DST: variants seen among roughly 807,000 people sequenced by gnomAD.
The protein encoded by DST is dystonin, also known as bullous pemphigoid antigen.
In DST, 253 loss-of-function variants were observed where a neutral mutation model predicts 875.2. The observed-to-expected ratio is 0.29, with a 90% confidence interval of 0.26 to 0.32. The LOEUF (loss-of-function observed/expected upper bound fraction) is 0.32, where lower values mean the gene tolerates loss of function less well. DST is among the 10% of genes least tolerant of loss of function. The pLI, the probability that DST is intolerant of heterozygous loss-of-function variation, is 1.00. For missense variants in DST, 8,287 were observed against 9,111.6 expected (o/e 0.91, Z 3.68); for synonymous variants, 3,124 against 3,197.1 (o/e 0.98, Z 0.77).
chr6:56,639,036 C>T, intron 22 of DST: 1 of 588,224 alleles, frequency 1.7e-6, no homozygotes, highest in Non-Finnish European at 3.0e-6. Flanking sequence ...TACATCTTCT[C>T]AGCCACAGAG....
intron 49 of DST, among the ~76,000 whole-genome samples, chr6:56,587,568 A>T (rs1038349575): frequency 2.0e-5 from 3 of 152,166 alleles, no homozygotes; most frequent in Non-Finnish European, 4.4e-5. Flanking sequence ...GAATGCCACA[A>T]AGATACTCCT....
At chr6:56,571,344 C>T (rs561473212) in intron 53 of DST, among the ~76,000 whole-genome samples, 10 of 152,260 alleles carry the variant, frequency 6.6e-5, no homozygotes, top group South Asian at 4.1e-4. Flanking sequence ...ATTTCTTCTA[C>T]GCAATGTGAA....
chr6:56,781,157 G>A (rs567613861), intron 4 of DST, among the ~76,000 whole-genome samples: 48 of 152,308 alleles, frequency 3.2e-4, no homozygotes, highest in South Asian at 4.1e-4. Context: ...GTCAGGTAGC[G>A]TGATGCCTCC....
Position 56,615,977 on chromosome 6 carries a change from T to C in DST, c.4930-1493A>G, listed in dbSNP as rs749052716. The C allele has an allele frequency of 3.1e-6, 5 of 1,614,108 alleles. No individual in the cohort carries two copies. Among genetic ancestry groups the C allele is most frequent in the Non-Finnish European group, 4.2e-6 (5 of 1,180,044 alleles). On this transcript the variant is annotated intron_variant, in intron 36 of 103. Transcript: ENST00000680361. ...ATGCAAAGCTTCGGCCACCCGGTAC[T>C]TTTTGCCAGTAAGAGGATCAATTAT...
At chr6:56,601,783 G>A in intron 43 of DST, 107 bp from the exon 44 acceptor site, 2 of 700,890 alleles carry the variant, frequency 2.9e-6, no homozygotes, top group South Asian at 2.6e-5. Flanking sequence ...ATCAGGGAAT[G>A]GAAGTTTTAT....
At position 56,622,450 on chromosome 6, in the gene DST, C is replaced by T. The variant is rs547208674; in HGVS notation, c.4929+2080G>A. Among the ~76,000 whole-genome samples the T allele has an allele frequency of 9.2e-5, 14 of 151,756 alleles. No homozygotes were observed. In the East Asian group the frequency reaches 2.3e-3, roughly 25 times the overall value. ...CCGGCGTGGTGGCAGGCGGCAGGCG[C>T]CTGTAATCCCAGCTACTCGGAAGGC... On this transcript the variant is annotated intron_variant, in intron 36 of 103. Transcript: ENST00000680361.
At chr6:56,933,822 C>A (rs2894838) in intron 2 of DST, among the ~76,000 whole-genome samples, 1 of 151,894 alleles carries the variant, frequency 6.6e-6, no homozygotes, top group Non-Finnish European at 1.5e-5. Flanking sequence ...AGCCATTAAG[C>A]AAAGAAAAGC....
intron 4 of DST, among the ~76,000 whole-genome samples, chr6:56,800,388 GTAA>G (rs1281574833): frequency 2.0e-5 from 3 of 152,128 alleles, no homozygotes; most frequent in Non-Finnish European, 2.9e-5. Context: ...ACTGTACATA[GTAA>G]TAATTGCCCA....
At chr6:56,709,304 T>C (rs1247102234) in intron 5 of DST, among the ~76,000 whole-genome samples, 1 of 152,202 alleles carries the variant, frequency 6.6e-6, no homozygotes, top group East Asian at 1.9e-4. Flanking sequence ...GGCGATGACA[T>C]GGACAATATT....
intron 4 of DST, among the ~76,000 whole-genome samples, chr6:56,816,064 T>C (rs1324174232): frequency 1.3e-5 from 2 of 152,136 alleles, no homozygotes; most frequent in Non-Finnish European, 1.5e-5. Flanking sequence ...GTTCTAGCCA[T>C]AAATGTCCGT....
chr6:56,552,036 G>GT, intron 61 of DST, 148 bp downstream of exon 61: 1 of 876,458 alleles, frequency 1.1e-6, no homozygotes, highest in South Asian at 2.0e-5. Flanking sequence ...ACCTGCCTGG[G>GT]TGTTACCCCC....
At chr6:56,781,321 C>G (rs1244889976) in intron 4 of DST, among the ~76,000 whole-genome samples, 2 of 152,176 alleles carry the variant, frequency 1.3e-5, no homozygotes, top group African/African-American at 4.8e-5. Flanking sequence ...GCAGTATGGC[C>G]ATTTTCAAGA....
In DST at chr6:56,606,234, T is replaced by G. The variant is rs373050885; in HGVS notation, c.8394A>C (p.Ile2798=). ...MQSEESYGDY[I]YDSNDQDDDD... is the part of the protein sequence containing the mutation. ...CGTCATCCTGATCATTACTGTCATA[T>G]ATATAATCCCCATAACTTTCTTCAC... The change falls in exon 40 of 104, where the codon ATA becomes ATC. Residue 2798 remains isoleucine (I), a synonymous_variant. Transcript: ENST00000680361. 6.4e-7 allele frequency: 1 copy of G among 1,566,626 alleles called. No individual in the cohort carries two copies. The highest frequency in any genetic ancestry group is 1.4e-5 in the African/African-American group (1 of 73,772).
chr6:56,904,795 A>T (rs1795632769), intron 2 of DST, among the ~76,000 whole-genome samples: 1 of 151,946 alleles, frequency 6.6e-6, no homozygotes, highest in South Asian at 2.1e-4. Context: ...AATAAGAGTT[A>T]CTCTTTTTCT....
rs2098480886 is a variant in DST at position 56,604,922 on chromosome 6, A to G, written c.9706T>C (p.Ser3236Pro). 4 of 1,612,638 alleles carry G rather than the reference A, an allele frequency of 2.5e-6. No homozygotes were observed. Among genetic ancestry groups the G allele is most frequent in the Non-Finnish European group, 3.4e-6 (4 of 1,179,238 alleles). ...KEKSTSTQKD[S>P]PLNDMIQSND... ...CTTTGGATCATGTCATTAAGAGGTG[A>G]GTCTTTTTGGGTACTAGTGGACTTC... is the stretch of plus-strand genomic sequence containing the variant. The change falls in exon 40 of 104, where the codon TCA (serine) becomes CCA (proline). Residue 3236 changes from serine (S) to proline (P), a missense_variant. This residue lies in a region of DST where 3,138 missense variants were observed against 3,116.6 expected (regional missense o/e 1.01). Coordinates refer to ENST00000680361, the MANE Select transcript of DST (RefSeq NM_001374736.1).
rs2097399418 is a variant in DST, at chr6:56,555,493, C to T, written c.14988G>A (p.Glu4996=). 7 of 1,613,882 alleles carry T rather than the reference C, an allele frequency of 4.3e-6. No individual in the cohort carries two copies. The highest frequency in any genetic ancestry group is 1.7e-5 in the Admixed American group (1 of 59,978). Residue 4996 remains glutamate (E), a synonymous_variant, in exon 60 of 104, where the codon GAG becomes GAA. Transcript: ENST00000680361. Reference sequence around the variant, plus strand: ...TTATCTGCTTCTTTTCCTGCTGTATCTCCTGCTTCATTTTTTGGGCTGTTT... The same window carrying T: ...TTATCTGCTTCTTTTCCTGCTGTATTTCCTGCTTCATTTTTTGGGCTGTTT... The part of the protein sequence containing the change: ...QLETAQKMKQ[E]IQQEKKQIKV...
At chr6:56,765,843 ACAAAGGCATCTCTACCACC>A (rs1172259293) in intron 4 of DST, among the ~76,000 whole-genome samples, 1 of 152,234 alleles carries the variant, frequency 6.6e-6, no homozygotes, top group Non-Finnish European at 1.5e-5. Context: ...AAGCAGGAAA[ACAAAGGCATCTCTACCACC>A]CAAAAACTCA....
intron 4 of DST, among the ~76,000 whole-genome samples, chr6:56,794,581 G>C (rs2099736547): frequency 6.6e-6 from 1 of 152,144 alleles, no homozygotes; most frequent in African/African-American, 2.4e-5. Flanking sequence ...GAAAAGGATA[G>C]CAGCAGGTAG....
In DST at chr6:56,607,965, C is replaced by T. The variant is rs371997575; in HGVS notation, c.6663G>A (p.Leu2221=). 2 of 1,613,606 alleles carry T rather than the reference C, an allele frequency of 1.2e-6. No homozygotes were observed. Among genetic ancestry groups the T allele is most frequent in the Non-Finnish European group, 1.7e-6 (2 of 1,179,722 alleles). The part of the protein sequence containing the change: ...MDANTGQRLL[L]YDGDLDEAVG... ...CAGCCTCATCCAAGTCTCCATCGTA[C>T]AGCAAAAGCCTTTGCCCTGTGTTTG... The change falls in exon 40 of 104, where the codon CTG becomes CTA. Residue 2221 remains leucine, a synonymous_variant. Transcript: ENST00000680361.
Sources: allele counts gnomAD v4.1 joint callset (sites outside exome capture counted in the v4.1 genomes callset), GRCh38; gene constraint gnomAD v4.1.1; regional missense constraint gnomAD v4.1.1; transcripts MANE v1.5; gene names NCBI Gene and HGNC (gene_info 2026-07-23, HGNC 2026-07-21).